The following CDH13 variants were observed in gnomAD, a reference collection of about 807,000 sequenced individuals.
CDH13 encodes the protein cadherin 13, also known as cadherin-13.
A neutral mutation model predicts 63.8 loss-of-function variants in CDH13; 24 were observed. That is an observed-to-expected ratio of 0.38 (90% CI 0.27 to 0.53). The LOEUF (loss-of-function observed/expected upper bound fraction) is 0.53. Among genes scored for constraint, CDH13 ranks in the 20% least tolerant of loss-of-function variants. The pLI is 0.85. For missense variants in CDH13, 1,049 were observed against 903.1 expected, an observed-to-expected ratio of 1.16 and a Z score of -2.07; for synonymous variants, 503 against 355.3, an observed-to-expected ratio of 1.42 and a Z score of -4.67.
chr16:82,884,140 CA>C lies in CDH13; in HGVS notation c.157+25668del, dbSNP rs139587576. Reference sequence around the variant, plus strand: ...TGTTGATTGAATGCATGTCTGCATGCACGCTGTTTCTTTCCTTATGCTGTTT... The same window carrying C: ...TGTTGATTGAATGCATGTCTGCATGCCGCTGTTTCTTTCCTTATGCTGTTT... On this transcript the variant is annotated intron_variant, in intron 2 of 13. Transcript: ENST00000567109. The C allele has an allele frequency of 5.8e-3, 2,614 of 454,120 alleles. 41 individuals carry two copies. Among genetic ancestry groups the C allele is most frequent in the African/African-American group, 0.038 (1,878 of 49,998 alleles). The allele number at this position is 454,120 out of a possible 1,614,324, so 28.1% of individuals were successfully genotyped here.
intron 1 of CDH13, among the ~76,000 whole-genome samples, chr16:82,778,881 G>A (rs1411769658): frequency 6.6e-6 from 1 of 152,166 alleles, no homozygotes; most frequent in Admixed American, 6.5e-5. Context: ...AGGAACTGAA[G>A]TATCCTTGGT....
At chr16:82,937,087 G>A (rs945948330) in intron 2 of CDH13, among the ~76,000 whole-genome samples, 1 of 152,050 alleles carries the variant, frequency 6.6e-6, no homozygotes, top group Non-Finnish European at 1.5e-5. Flanking sequence ...TCTCCATTCT[G>A]TTTTAAGAAA....
chr16:83,306,611 A>G (rs1597711708), intron 5 of CDH13, among the ~76,000 whole-genome samples: 4 of 152,180 alleles, frequency 2.6e-5, no homozygotes, highest in Non-Finnish European at 5.9e-5. Context: ...GAGCTAAATT[A>G]TAATAATTCT....
chr16:83,626,940 C>T (rs991056929), intron 8 of CDH13, among the ~76,000 whole-genome samples: 5 of 152,106 alleles, frequency 3.3e-5, no homozygotes, highest in African/African-American at 1.2e-4. Flanking sequence ...GAGCATCTCA[C>T]CTCTCTCGGC....
chr16:83,608,202 G>A (rs12921684), intron 8 of CDH13, among the ~76,000 whole-genome samples: 45,888 of 152,080 alleles, frequency 0.3, 7,002 homozygotes, highest in East Asian at 0.42. Context: ...TGGTGTTTAA[G>A]CTATAACATT....
At chr16:82,770,920 C>G (rs1271695592) in intron 1 of CDH13, among the ~76,000 whole-genome samples, 1 of 152,156 alleles carries the variant, frequency 6.6e-6, no homozygotes, top group Non-Finnish European at 1.5e-5. Flanking sequence ...ATTGCCCAGG[C>G]TGGTCTTGAA....
intron 6 of CDH13, among the ~76,000 whole-genome samples, chr16:83,400,970 G>A (rs184099137): frequency 5.9e-4 from 88 of 149,066 alleles, no homozygotes; most frequent in South Asian, 2.1e-3. Flanking sequence ...TTGGCAGACG[G>A]AGGTGAAGGG....
chr16:82,975,197 C>T (rs1909328042), intron 2 of CDH13, among the ~76,000 whole-genome samples: 1 of 152,206 alleles, frequency 6.6e-6, no homozygotes, highest in Non-Finnish European at 1.5e-5. Flanking sequence ...GCCCTGGCTG[C>T]TGTGGTTGGA....
intron 11 of CDH13, among the ~76,000 whole-genome samples, chr16:83,778,848 C>A (rs1835395134): frequency 6.6e-6 from 1 of 152,152 alleles, no homozygotes; most frequent in South Asian, 2.1e-4. Flanking sequence ...TGGATTTAAT[C>A]TTTCCCTCTT....
At chr16:83,534,438 T>G (rs1478658890) in intron 7 of CDH13, among the ~76,000 whole-genome samples, 1 of 152,180 alleles carries the variant, frequency 6.6e-6, no homozygotes, top group African/African-American at 2.4e-5. Flanking sequence ...CTTCTTCAGG[T>G]AAAGTTCTTG....
intron 1 of CDH13, among the ~76,000 whole-genome samples, chr16:82,784,428 T>G (rs2035907516): frequency 6.6e-6 from 1 of 152,178 alleles, no homozygotes; most frequent in Non-Finnish European, 1.5e-5. Context: ...GCTGTGTGTG[T>G]ACAGGAAGAA....
At chr16:82,750,614 G>A (rs564612821) in intron 1 of CDH13, among the ~76,000 whole-genome samples, 1 of 152,290 alleles carries the variant, frequency 6.6e-6, no homozygotes, top group East Asian at 1.9e-4. Flanking sequence ...AGTCTCAGGT[G>A]GAGAAGGAAG....
At chr16:83,765,364 TG>T (rs1914300584) in intron 11 of CDH13, among the ~76,000 whole-genome samples, 1 of 152,198 alleles carries the variant, frequency 6.6e-6, no homozygotes, top group Non-Finnish European at 1.5e-5. Context: ...GTTGAATTTT[TG>T]TACAACAGTT....
At chr16:83,061,548 G>A (rs371301242) in intron 3 of CDH13, among the ~76,000 whole-genome samples, 1 of 152,282 alleles carries the variant, frequency 6.6e-6, no homozygotes, top group South Asian at 2.1e-4. Context: ...TGGTGTGCTA[G>A]GGAAGATGTT....
intron 7 of CDH13, among the ~76,000 whole-genome samples, chr16:83,565,703 T>C (rs1482628023): frequency 6.6e-6 from 1 of 152,204 alleles, no homozygotes; most frequent in African/African-American, 2.4e-5. Context: ...TTAACTGATT[T>C]ATTCTTTTCA....
chr16:83,177,671 A>G (rs560226708), intron 4 of CDH13, among the ~76,000 whole-genome samples: 4 of 152,326 alleles, frequency 2.6e-5, no homozygotes, highest in South Asian at 2.1e-4. Context: ...CCACATAGGG[A>G]TAAGCCTGTC....
chr16:82,748,690 A>G (rs561759309), intron 1 of CDH13, among the ~76,000 whole-genome samples: 3 of 152,298 alleles, frequency 2.0e-5, no homozygotes, highest in Admixed American at 6.5e-5. Context: ...TGTGCTTGTC[A>G]CAGATCAGAA....
chr16:83,058,447 C>T (rs986391294), intron 3 of CDH13, among the ~76,000 whole-genome samples: 1 of 152,114 alleles, frequency 6.6e-6, no homozygotes, highest in Admixed American at 6.5e-5. Context: ...AATTCATTTC[C>T]CCTTTTCCCA....
At chr16:83,572,483 C>T (rs1286171919) in intron 7 of CDH13, among the ~76,000 whole-genome samples, 2 of 152,184 alleles carry the variant, frequency 1.3e-5, no homozygotes, top group Admixed American at 6.5e-5. Context: ...CTCTGCTACT[C>T]TCCCTCCTGG....
Sources: gnomAD v4.1 joint callset for allele counts (sites outside exome capture counted in the v4.1 genomes callset) on GRCh38, gnomAD v4.1.1 for gene constraint, MANE v1.5 for transcripts, NCBI Gene and HGNC (gene_info 2026-07-23, HGNC 2026-07-21) for gene names.